Variants in LAMA2 observed in about 807,000 individuals in gnomAD.
LAMA2 encodes the protein laminin subunit alpha 2.
Under a neutral mutation model 364.8 loss-of-function variants are expected in LAMA2, and 269 were observed. The ratio of observed to expected loss-of-function variants is 0.74; its 90% CI spans 0.67 to 0.82. LAMA2 has a LOEUF of 0.82. Ranked by LOEUF, LAMA2 falls within the 40% of genes least tolerant of loss-of-function variation. The pLI, the probability that LAMA2 is intolerant of heterozygous loss-of-function variation, is 0.00. For synonymous variants in LAMA2, 1,379 were observed against 1,370.6 expected, an observed-to-expected ratio of 1.01 and a Z score of -0.14; for missense variants, 3,807 against 3,873.2, an observed-to-expected ratio of 0.98 and a Z score of 0.45.
intron 12 of LAMA2, among the ~76,000 whole-genome samples, chr6:129,219,613 G>A (rs369310839): frequency 2.0e-5 from 3 of 147,738 alleles, no homozygotes; most frequent in Non-Finnish European, 3.0e-5. Context: ...TTAAGAAAAT[G>A]TGGCACATAT....
chr6:129,082,432 C>T (rs1422498798), intron 3 of LAMA2, among the ~76,000 whole-genome samples: 12 of 152,072 alleles, frequency 7.9e-5, no homozygotes, highest in Non-Finnish European at 1.2e-4. Flanking sequence ...TTTTAAACAT[C>T]CAATAAAGAT....
intron 14 of LAMA2, among the ~76,000 whole-genome samples, chr6:129,258,270 C>T (rs1419221363): frequency 1.3e-5 from 2 of 151,962 alleles, no homozygotes; most frequent in Non-Finnish European, 2.9e-5. Flanking sequence ...TCCAAAAGAA[C>T]TGAAAATAGG....
chr6:129,354,003 C>T (rs1777014603), intron 32 of LAMA2, among the ~76,000 whole-genome samples: 1 of 152,138 alleles, frequency 6.6e-6, no homozygotes, highest in South Asian at 2.1e-4. Flanking sequence ...AAATATAATT[C>T]TTGGATCTTG....
intron 29 of LAMA2, among the ~76,000 whole-genome samples, chr6:129,338,184 AT>A (rs1324701924): frequency 1.3e-5 from 2 of 152,200 alleles, no homozygotes; most frequent in Non-Finnish European, 2.9e-5. Context: ...GGCTTTAAGG[AT>A]TTTAATTCAG....
At chr6:129,280,988 C>G (rs1307053826) in intron 18 of LAMA2, among the ~76,000 whole-genome samples, 7 of 152,070 alleles carry the variant, frequency 4.6e-5, no homozygotes, top group African/African-American at 1.7e-4. Flanking sequence ...GCAGCTATCA[C>G]CCCTGTTTCA....
Position 129,315,483 on chromosome 6 carries a change from T to C in LAMA2, c.3563T>C (p.Leu1188Pro). The C allele has an allele frequency of 6.2e-7, 1 of 1,614,194 alleles. No individual in the cohort carries two copies. Residue 1188 changes from leucine to proline, a missense_variant, in exon 25 of 65, where the codon CTG becomes CCG. Coordinates refer to ENST00000421865, the MANE Select transcript of LAMA2 (RefSeq NM_000426.4). ...TATTTTGACCCCTTGCAGGTGACTC[T>C]GAAGGCTGAGCAGACCATTCTACCC... ...AKGLIRTWVT[L>P]KAEQTILPLV... is the part of the protein sequence containing the mutation.
chr6:129,039,047 T>G (rs189743134), intron 1 of LAMA2, among the ~76,000 whole-genome samples: 387 of 152,364 alleles, frequency 2.5e-3, no homozygotes, highest in Non-Finnish European at 4.5e-3. Context: ...TCAGTAAATT[T>G]AAATTTGAGT....
chr6:129,442,845 G>C, intron 43 of LAMA2: 1 of 548,586 alleles, frequency 1.8e-6, no homozygotes, highest in South Asian at 2.2e-5. Flanking sequence ...CTAAAACATA[G>C]AAATAATTTT....
At chr6:129,073,361 G>A (rs1773438772) in intron 3 of LAMA2, among the ~76,000 whole-genome samples, 1 of 151,852 alleles carries the variant, frequency 6.6e-6, no homozygotes, top group Admixed American at 6.6e-5. Context: ...GATTTTATTG[G>A]TATTAATACT....
intron 12 of LAMA2, among the ~76,000 whole-genome samples, chr6:129,200,445 T>C (rs565669855): frequency 3.3e-5 from 5 of 150,282 alleles, no homozygotes; most frequent in East Asian, 4.0e-4. Context: ...CATATACATA[T>C]ATGTATATAT....
intron 1 of LAMA2, among the ~76,000 whole-genome samples, chr6:128,987,140 G>GTTTT (rs764115716): frequency 1.7e-4 from 21 of 121,356 alleles, no homozygotes; most frequent in East Asian, 2.9e-4. Flanking sequence ...TTTTTTTTTT[G>GTTTT]TTTTTTTTTT....
chr6:129,192,604 G>T (rs889352242), intron 11 of LAMA2, 76 bp from the exon 12 acceptor site: 2 of 1,418,316 alleles, frequency 1.4e-6, no homozygotes, highest in South Asian at 2.4e-5. Context: ...AAGTGGACAC[G>T]ACCAGGAACA....
At chr6:129,017,861 A>AT (rs147253475) in intron 1 of LAMA2, among the ~76,000 whole-genome samples, 52 of 150,484 alleles carry the variant, frequency 3.5e-4, no homozygotes, top group Non-Finnish European at 4.6e-4. Flanking sequence ...TACCCAAAGG[A>AT]TTTTTTTTTT....
intron 1 of LAMA2, among the ~76,000 whole-genome samples, chr6:129,046,091 A>G (rs1423301164): frequency 6.6e-6 from 1 of 152,240 alleles, no homozygotes; most frequent in African/African-American, 2.4e-5. Context: ...CAAGAGAAGT[A>G]TAATTTTGCT....
At chr6:129,408,943 T>C (rs1050865296) in intron 40 of LAMA2, among the ~76,000 whole-genome samples, 5 of 152,184 alleles carry the variant, frequency 3.3e-5, no homozygotes, top group Admixed American at 6.5e-5. Flanking sequence ...ACAAATATCT[T>C]CACAGTTTTT....
At chr6:128,959,567 G>A (rs1261412172) in intron 1 of LAMA2, among the ~76,000 whole-genome samples, 1 of 152,018 alleles carries the variant, frequency 6.6e-6, no homozygotes, top group Non-Finnish European at 1.5e-5. Flanking sequence ...TGCACTGGCT[G>A]GTCTTCTATC....
At chr6:129,146,167 G>A (rs539437565) in intron 5 of LAMA2, among the ~76,000 whole-genome samples, 2 of 151,292 alleles carry the variant, frequency 1.3e-5, no homozygotes, top group Non-Finnish European at 3.0e-5. Flanking sequence ...TGTTTTTTTT[G>A]TGTGTGTGTA....
At chr6:129,167,658 G>C (rs1365593525) in intron 9 of LAMA2, among the ~76,000 whole-genome samples, 1 of 152,114 alleles carries the variant, frequency 6.6e-6, no homozygotes. Flanking sequence ...ATGATTTACA[G>C]TCCTTTGGGT....
chr6:129,402,219 A>C, intron 38 of LAMA2, 105 bp from the exon 39 acceptor site: 2 of 896,972 alleles, frequency 2.2e-6, no homozygotes, highest in South Asian at 3.2e-5. Context: ...AAAAAAAAAA[A>C]AAAAAAAACT....
Sources: allele counts gnomAD v4.1 joint callset (sites outside exome capture counted in the v4.1 genomes callset), GRCh38; gene constraint gnomAD v4.1.1; transcripts MANE v1.5; gene names NCBI Gene and HGNC (gene_info 2026-07-23, HGNC 2026-07-21).